CSMD1: variants seen among roughly 807,000 people sequenced by gnomAD.
CSMD1 encodes the protein CUB and sushi domain-containing protein 1.
A neutral mutation model predicts 417.5 loss-of-function variants in CSMD1; 213 were observed. That is an observed-to-expected ratio of 0.51 (90% confidence interval 0.46 to 0.57). The LOEUF (loss-of-function observed/expected upper bound fraction) is 0.57, where lower values mean the gene tolerates loss of function less well. Among genes scored for constraint, CSMD1 ranks in the 20% least tolerant of loss-of-function variants. The pLI is 0.00. For missense variants in CSMD1, 6,923 were observed against 4,529.7 expected (o/e 1.53, Z -15.17); for synonymous variants, 2,862 against 1,736.8 (o/e 1.65, Z -16.11).
chr8:4,046,037 C>G (rs1026798754), intron 3 of CSMD1, among the ~76,000 whole-genome samples: 1 of 152,028 alleles, frequency 6.6e-6, no homozygotes, highest in Admixed American at 6.5e-5. Flanking sequence ...ATTTAGGACT[C>G]ATGCAGATTA....
intron 25 of CSMD1, among the ~76,000 whole-genome samples, chr8:3,296,835 A>C (rs1216895712): frequency 6.6e-6 from 1 of 152,148 alleles, no homozygotes; most frequent in East Asian, 1.9e-4. Context: ...GGAAAATCAG[A>C]GTTTCTGTCT....
rs538075553 is a variant in CSMD1 at position 3,197,570 on chromosome 8, A to G, written c.5194+2144T>C. Among the ~76,000 whole-genome samples, 967 of 146,590 alleles carry G rather than the reference A, an allele frequency of 6.6e-3. 10 individuals are homozygous for G. Among genetic ancestry groups the G allele is most frequent in the African/African-American group, 0.023 (891 of 39,442 alleles). The stretch of plus-strand genomic sequence containing the variant: ...AAGCTCCGCCTCCCGGGTTCACGCC[A>G]TTCTCCTGCCTCAGCCTCCCGAGTA... On this transcript the variant is annotated intron_variant, in intron 33 of 69. Transcript: ENST00000635120.
chr8:4,181,071 G>A (rs547691184), intron 3 of CSMD1, among the ~76,000 whole-genome samples: 9 of 152,208 alleles, frequency 5.9e-5, no homozygotes, highest in East Asian at 1.9e-4. Flanking sequence ...TATGAAAATA[G>A]GACAACAGAC....
rs573647465 is a variant in CSMD1 at position 4,905,624 on chromosome 8, C to A, written c.85+88708G>T. Among the ~76,000 whole-genome samples the A allele has an allele frequency of 6.6e-5, 10 of 151,756 alleles. No homozygotes were observed. The South Asian group carries it at 2.1e-3, about 32-fold the overall frequency. ...CACGAGGTCATGAGATCGAGGCCAT[C>A]CTGGCTAACACGGTGAAACCCCGTC... On this transcript the variant is annotated intron_variant, in intron 1 of 69. Transcript: ENST00000635120.
At chr8:3,608,471 TA>T (rs1279808660) in intron 8 of CSMD1, among the ~76,000 whole-genome samples, 1 of 151,782 alleles carries the variant, frequency 6.6e-6, no homozygotes, top group Non-Finnish European at 1.5e-5. Flanking sequence ...AATTATATAT[TA>T]AAAAAATATG....
intron 8 of CSMD1, among the ~76,000 whole-genome samples, chr8:3,592,773 C>G (rs964727507): frequency 4.6e-5 from 7 of 152,152 alleles, no homozygotes; most frequent in African/African-American, 1.7e-4. Context: ...GACTTTTGTC[C>G]TAGCACAGCA....
At chr8:4,599,619 C>T (rs571840329) in intron 2 of CSMD1, among the ~76,000 whole-genome samples, 1 of 152,178 alleles carries the variant, frequency 6.6e-6, no homozygotes, top group African/African-American at 2.4e-5. Context: ...ACACTTCTGT[C>T]CATCTCATTT....
At chr8:4,579,505 G>T (rs1183637514) in intron 2 of CSMD1, among the ~76,000 whole-genome samples, 3 of 151,848 alleles carry the variant, frequency 2.0e-5, no homozygotes, top group African/African-American at 7.3e-5. Context: ...TGGGATTACA[G>T]GCACCCGCCA....
intron 3 of CSMD1, among the ~76,000 whole-genome samples, chr8:4,136,895 A>G (rs1312097855): frequency 6.6e-6 from 1 of 152,232 alleles, no homozygotes; most frequent in African/African-American, 2.4e-5. Context: ...AACTTAACAA[A>G]GAAAACAGTC....
chr8:4,478,602 T>C (rs1365217143), intron 2 of CSMD1, among the ~76,000 whole-genome samples: 1 of 152,138 alleles, frequency 6.6e-6, no homozygotes, highest in Non-Finnish European at 1.5e-5. Context: ...CAAAAGAAAG[T>C]ATTATTGGCA....
intron 3 of CSMD1, among the ~76,000 whole-genome samples, chr8:4,408,612 T>C (rs986070714): frequency 6.6e-6 from 1 of 152,200 alleles, no homozygotes; most frequent in African/African-American, 2.4e-5. Context: ...AAATGTCTGA[T>C]AATGGAAAAT....
At chr8:2,944,971 G>A (rs1469280303) in intron 68 of CSMD1, among the ~76,000 whole-genome samples, 2 of 152,098 alleles carry the variant, frequency 1.3e-5, no homozygotes, top group African/African-American at 2.4e-5. Context: ...AGAACAACAC[G>A]TAAGAAGGTG....
intron 26 of CSMD1, among the ~76,000 whole-genome samples, chr8:3,262,917 A>C (rs1330030701): frequency 2.0e-5 from 3 of 152,136 alleles, no homozygotes; most frequent in African/African-American, 7.2e-5. Context: ...GCAAGAGAAA[A>C]CTCAGTAGGA....
intron 2 of CSMD1, among the ~76,000 whole-genome samples, chr8:4,593,618 T>C (rs960645646): frequency 2.0e-4 from 31 of 152,158 alleles, no homozygotes; most frequent in Non-Finnish European, 2.9e-5. Context: ...AATATTTTTA[T>C]GATTTTTGTG....
intron 25 of CSMD1, among the ~76,000 whole-genome samples, chr8:3,286,228 G>A (rs536819745): frequency 6.6e-6 from 1 of 152,124 alleles, no homozygotes; most frequent in African/African-American, 2.4e-5. Flanking sequence ...GTCTATCATT[G>A]TTGGACATTT....
chr8:4,950,938 A>G (rs190507969), intron 1 of CSMD1, among the ~76,000 whole-genome samples: 267 of 152,134 alleles, frequency 1.8e-3, no homozygotes, highest in Non-Finnish European at 2.9e-3. Context: ...TAACTGACCA[A>G]TTACAAAACT....
intron 36 of CSMD1, among the ~76,000 whole-genome samples, chr8:3,182,249 A>C (rs1253014423): frequency 6.6e-6 from 1 of 152,182 alleles, no homozygotes; most frequent in Non-Finnish European, 1.5e-5. Flanking sequence ...ATATCCCCCA[A>C]CAGATTTTAT....
intron 1 of CSMD1, among the ~76,000 whole-genome samples, chr8:4,825,588 A>C (rs76948564): frequency 1.5e-5 from 1 of 68,186 alleles, no homozygotes; most frequent in Non-Finnish European, 3.7e-5. Context: ...AAGTGGGATC[A>C]AAAAGCACAG....
intron 7 of CSMD1, among the ~76,000 whole-genome samples, chr8:3,682,191 G>T (rs1380591674): frequency 6.6e-6 from 1 of 152,148 alleles, no homozygotes; most frequent in Non-Finnish European, 1.5e-5. Context: ...ATTGACAAAT[G>T]GGATCTAATT....
Sources: allele counts gnomAD v4.1 joint callset (sites outside exome capture counted in the v4.1 genomes callset), GRCh38; gene constraint gnomAD v4.1.1; transcripts MANE v1.5; gene names NCBI Gene and HGNC (gene_info 2026-07-23, HGNC 2026-07-21).